The following ODF2L variants were observed in gnomAD, a reference collection of about 807,000 sequenced individuals.
ODF2L encodes the protein protein BCAP.
A neutral mutation model predicts 86.3 loss-of-function variants in ODF2L; 76 were observed. The observed-to-expected ratio is 0.88, with a 90% CI of 0.73 to 1.07. The LOEUF (loss-of-function observed/expected upper bound fraction) is 1.07, where lower values mean the gene tolerates loss of function less well. Among genes scored for constraint, ODF2L ranks in the 50% least tolerant of loss-of-function variants. ODF2L has a pLI of 0.00. For missense variants in ODF2L, 748 were observed against 717.4 expected (o/e 1.04, Z -0.49); for synonymous variants, 241 against 231.3 (o/e 1.04, Z -0.38).
chr1:86,355,377 T>A, intron 14 of ODF2L: 2 of 1,533,460 alleles, frequency 1.3e-6, no homozygotes, highest in Non-Finnish European at 1.8e-6. Context: ...TCCCACTGCT[T>A]CAAAATCTGC....
intron 17 of ODF2L, chr1:86,352,214 A>C (rs1658185532): frequency 6.6e-7 from 1 of 1,506,086 alleles, no homozygotes; most frequent in Non-Finnish European, 8.9e-7. Flanking sequence ...GGATCCTGGA[A>C]AAAACACAGT....
At chr1:86,385,712 A>G (rs1286180460) in intron 2 of ODF2L, 122 bp from the exon 3 acceptor site, 14 of 630,666 alleles carry the variant, frequency 2.2e-5, no homozygotes, top group Non-Finnish European at 3.5e-5. Context: ...GTTCAAAAGT[A>G]GCTCGAAACT....
chr1:86,386,969 GT>G lies in ODF2L; in HGVS notation c.58del (p.Thr20LeufsTer20), dbSNP rs1661000003. ...TGGTAAATCTTCTTTCTCTGATATA[GT>G]TTTAAGATGGCAAAAGAGTTCTTCT... On this transcript the variant is annotated frameshift_variant, in exon 2 of 18. Coordinates refer to ENST00000317336, the Ensembl canonical transcript of ODF2L. LOFTEE classifies it high-confidence loss of function. The G allele has an allele frequency of 6.3e-7, 1 of 1,595,222 alleles. No individual in the cohort carries two copies. The highest frequency in any genetic ancestry group is 2.3e-5 in the East Asian group (1 of 43,442).
At chr1:86,359,744 G>A (rs1459677041) in intron 12 of ODF2L, among the ~76,000 whole-genome samples, 7 of 151,888 alleles carry the variant, frequency 4.6e-5, no homozygotes, top group African/African-American at 1.4e-4. Flanking sequence ...GGCTAGTCTC[G>A]AACTCCTGAC....
chr1:86,352,325 T>G (rs1244134430), intron 17 of ODF2L: 31 of 1,231,434 alleles, frequency 2.5e-5, no homozygotes, highest in Non-Finnish European at 3.2e-5. Context: ...GACTGTTTCA[T>G]GAGTATTCAG....
At chr1:86,365,346 T>G (rs765379151) in intron 11 of ODF2L, among the ~76,000 whole-genome samples, 9 of 152,314 alleles carry the variant, frequency 5.9e-5, no homozygotes, top group Admixed American at 3.3e-4. Flanking sequence ...TGATGTATTC[T>G]AGGCACAGTA....
exon 18 of ODF2L, chr1:86,351,970 C>T (rs551583013): frequency 1.5e-4 from 193 of 1,262,360 alleles, no homozygotes; most frequent in Non-Finnish European, 1.9e-4. Context: ...ACAGCACACA[C>T]ATTTTACAAT....
chr1:86,377,490 T>C (rs570659952), intron 7 of ODF2L, among the ~76,000 whole-genome samples: 5 of 152,260 alleles, frequency 3.3e-5, no homozygotes, highest in Admixed American at 6.5e-5. Flanking sequence ...TCCAACCCCA[T>C]ATTTCTCTTC....
chr1:86,383,282 A>T (rs1390862204), intron 4 of ODF2L, 86 bp from the exon 5 acceptor site: 19 of 578,642 alleles, frequency 3.3e-5, no homozygotes, highest in Non-Finnish European at 9.0e-6. Context: ...ACTACTCAAT[A>T]AATTAATATG....
rs139708506 is a variant in ODF2L, at chr1:86,366,222, C to T, written c.1143+2414G>A. On this transcript the variant is annotated intron_variant, in intron 11 of 17. Coordinates refer to ENST00000317336, the Ensembl canonical transcript of ODF2L. Reference sequence around the variant, plus strand: ...CCAGACTTTCGGAAAAAGAGTATCACGAGAGAGATCTAAAATTTTTTTATA... The same window carrying T: ...CCAGACTTTCGGAAAAAGAGTATCATGAGAGAGATCTAAAATTTTTTTATA... Among the ~76,000 whole-genome samples the T allele has an allele frequency of 3.7e-3, 564 of 151,524 alleles. 3 individuals carry two copies. The highest frequency in any genetic ancestry group is 0.013 in the African/African-American group (522 of 41,288).
At chr1:86,353,969 G>A (rs1658341406) in intron 16 of ODF2L, among the ~76,000 whole-genome samples, 1 of 152,178 alleles carries the variant, frequency 6.6e-6, no homozygotes, top group Admixed American at 6.5e-5. Context: ...GAAGGAATCT[G>A]AGAGCATACC....
At chr1:86,356,507 A>G in exon 14 of ODF2L, 1 of 1,613,732 alleles carries the variant, frequency 6.2e-7, no homozygotes, top group East Asian at 2.2e-5. Flanking sequence ...AGCACTGCAG[A>G]CTCTCCTGAC....
At chr1:86,372,276 CTT>C (rs2101042966) in intron 9 of ODF2L, among the ~76,000 whole-genome samples, 153 bp downstream of exon 9, 1 of 151,106 alleles carries the variant, frequency 6.6e-6, no homozygotes, top group South Asian at 2.1e-4. Context: ...AGTAAGAAAA[CTT>C]TATTGAATTA....
At chr1:86,367,709 G>C (rs1262763923) in intron 11 of ODF2L, among the ~76,000 whole-genome samples, 2 of 152,118 alleles carry the variant, frequency 1.3e-5, no homozygotes, top group Non-Finnish European at 2.9e-5. Context: ...TGTAGTGAAA[G>C]AGCAATTATA....
At chr1:86,373,890 A>G (rs1474509649) in intron 8 of ODF2L, among the ~76,000 whole-genome samples, 1 of 152,142 alleles carries the variant, frequency 6.6e-6, no homozygotes, top group Non-Finnish European at 1.5e-5. Flanking sequence ...AGGGATTTTT[A>G]TCTGCTTTTG....
intron 2 of ODF2L, chr1:86,386,239 T>G (rs1400505797): frequency 6.6e-6 from 1 of 152,240 alleles, no homozygotes; most frequent in Non-Finnish European, 1.5e-5. Context: ...GTATGACAAG[T>G]ATTTGCTATA....
intron 11 of ODF2L, among the ~76,000 whole-genome samples, chr1:86,361,863 A>G (rs1659058166): frequency 6.6e-6 from 1 of 152,232 alleles, no homozygotes; most frequent in Non-Finnish European, 1.5e-5. Context: ...TGAAGGTTCT[A>G]TTAGTGAACA....
At chr1:86,353,054 T>C in intron 16 of ODF2L, 70 bp from the exon 16 acceptor site, 1 of 984,546 alleles carries the variant, frequency 1.0e-6, no homozygotes, top group South Asian at 1.5e-5. Flanking sequence ...TTGACAGTTA[T>C]ATTGTACCTT....
chr1:86,359,894 T>C (rs1658909036), intron 12 of ODF2L, among the ~76,000 whole-genome samples: 1 of 152,214 alleles, frequency 6.6e-6, no homozygotes, highest in Non-Finnish European at 1.5e-5. Flanking sequence ...AAGTCCCATC[T>C]TATGAAGTTT....
Sources: gnomAD v4.1 joint callset for allele counts (sites outside exome capture counted in the v4.1 genomes callset) on GRCh38, gnomAD v4.1.1 for gene constraint, MANE v1.5 for transcripts, NCBI Gene and HGNC (gene_info 2026-07-23, HGNC 2026-07-21) for gene names.